The following CGGBP1 variants were observed in gnomAD, a reference collection of about 807,000 sequenced individuals.
CGGBP1 encodes CGG triplet repeat-binding protein 1.
CGGBP1 carries 4 observed loss-of-function variants against 11.4 expected under a neutral mutation model. That is an observed-to-expected ratio of 0.35 (90% confidence interval 0.17 to 0.80). The LOEUF is 0.80. Among genes scored for constraint, CGGBP1 ranks in the 30% least tolerant of loss-of-function variants. The pLI is 0.52. For synonymous variants in CGGBP1, 76 were observed against 74.1 expected, an observed-to-expected ratio of 1.03 and a Z score of -0.13; for missense variants, 135 against 202.1, an observed-to-expected ratio of 0.67 and a Z score of 2.01.
chr3:88,055,318 G>T lies in CGGBP1; in HGVS notation c.*155C>A. On this transcript the variant is annotated 3_prime_UTR_variant, in exon 4 of 4. Coordinates refer to ENST00000482016, the MANE Select transcript of CGGBP1 (RefSeq NM_001008390.2). This position sits in a 1 kb window ranked among gnomAD's most constrained non-coding sequence, Gnocchi z 4.2. ...AAATTAACAATAAGTTTTGCAGTGA[G>T]GTGGTTTTTTTTTTGCCTGCAACTA... The T allele has an allele frequency of 1.6e-6, 1 of 615,218 alleles. No homozygotes were observed. Among genetic ancestry groups the T allele is most frequent in the Admixed American group, 3.6e-5 (1 of 27,654 alleles). The allele number at this position is 615,218 out of a possible 1,614,324, so 38.1% of individuals were successfully genotyped here.
intron 2 of CGGBP1, among the ~76,000 whole-genome samples, chr3:88,138,357 A>G (rs1442516324): frequency 1.3e-5 from 2 of 152,140 alleles, no homozygotes; most frequent in African/African-American, 4.8e-5. Context: ...AGAATATGAG[A>G]TTTGTACCTA....
chr3:88,080,921 G>T (rs1437835336), intron 2 of CGGBP1, among the ~76,000 whole-genome samples: 1 of 152,146 alleles, frequency 6.6e-6, no homozygotes, highest in African/African-American at 2.4e-5. Flanking sequence ...TCACAAAATT[G>T]TAGACCTTTT....
At chr3:88,126,390 G>T in intron 2 of CGGBP1, 12 of 1,075,238 alleles carry the variant, frequency 1.1e-5, no homozygotes, top group Non-Finnish European at 1.4e-5. Flanking sequence ...TGGGAGTGAT[G>T]TATTTTCACA....
intron 2 of CGGBP1, among the ~76,000 whole-genome samples, chr3:88,114,344 G>A (rs1705265093): frequency 6.6e-6 from 1 of 152,150 alleles, no homozygotes; most frequent in East Asian, 1.9e-4. Flanking sequence ...CCACTGAAAT[G>A]TTTGGAGTAG....
intron 2 of CGGBP1, among the ~76,000 whole-genome samples, chr3:88,066,764 A>G (rs1309771936): frequency 1.3e-5 from 2 of 152,208 alleles, no homozygotes; most frequent in Non-Finnish European, 2.9e-5. Context: ...TCCTGCCAAA[A>G]TGTGCTAAAC....
chr3:88,088,354 A>G (rs1296270249), intron 2 of CGGBP1, among the ~76,000 whole-genome samples: 9 of 152,218 alleles, frequency 5.9e-5, no homozygotes, highest in Non-Finnish European at 1.5e-5. Flanking sequence ...AGTGAAAAAT[A>G]ATTTTGAAAG....
upstream of CGGBP1, chr3:88,059,205 C>G (rs1706684527): frequency 6.2e-6 from 9 of 1,454,200 alleles, no homozygotes; most frequent in East Asian, 2.6e-5. Flanking sequence ...AGGCCCCTGT[C>G]CGGCTAGGGA....
intron 2 of CGGBP1, among the ~76,000 whole-genome samples, chr3:88,118,795 A>G (rs1705571730): frequency 6.6e-6 from 1 of 152,204 alleles, no homozygotes; most frequent in Non-Finnish European, 1.5e-5. Context: ...GGTCTACTCA[A>G]CTGCACTTTG....
rs976542380 is a variant in CGGBP1 at position 88,058,965 on chromosome 3, G to A, written c.-481C>T. ...TGCCCGATCGAGCCCCGCGGCGGCC[G>A]CCGTGTCCCCCGCCGCGCCCCGTCC... is the stretch of plus-strand genomic sequence containing the variant. On this transcript the variant is annotated 5_prime_UTR_variant, in exon 1 of 4. Transcript: ENST00000482016. 30 of 212,736 alleles carry A rather than the reference G, an allele frequency of 1.4e-4. No individual in the cohort carries two copies. Among genetic ancestry groups the A allele is most frequent in the Admixed American group, 2.3e-4 (4 of 17,096 alleles). The allele number at this position is 212,736 out of a possible 1,614,324, so 13.2% of individuals were successfully genotyped here. A position where few individuals can be genotyped will look rare whatever the true frequency, so the allele number is the denominator to read the frequency against.
intron 2 of CGGBP1, among the ~76,000 whole-genome samples, chr3:88,105,274 T>G (rs1290228702): frequency 1.3e-5 from 1 of 77,684 alleles, no homozygotes; most frequent in Non-Finnish European, 3.2e-5. Flanking sequence ...ATACATACAT[T>G]TTTCCACCCT....
intron 2 of CGGBP1, among the ~76,000 whole-genome samples, chr3:88,108,861 A>G (rs1704906289): frequency 6.6e-6 from 1 of 152,186 alleles, no homozygotes; most frequent in African/African-American, 2.4e-5. Context: ...GAGGTTGCTA[A>G]AATCTCACAG....
intron 2 of CGGBP1, among the ~76,000 whole-genome samples, chr3:88,100,295 A>G (rs1238140070): frequency 1.3e-5 from 2 of 152,206 alleles, no homozygotes; most frequent in Non-Finnish European, 2.9e-5. Flanking sequence ...ACCAGTTAGA[A>G]TGACAATCAT....
intron 2 of CGGBP1, among the ~76,000 whole-genome samples, chr3:88,089,193 A>G (rs1268984961): frequency 6.5e-3 from 60 of 9,210 alleles, no homozygotes; most frequent in Non-Finnish European, 0.028. Flanking sequence ...TTACGTATTA[A>G]AAAAAAAAAA....
At position 88,090,776 on chromosome 3, in the gene CGGBP1, A is replaced by G. The variant is rs576935268; in HGVS notation, c.-228-32553T>C. 1.3e-4 allele frequency among the ~76,000 whole-genome samples: 20 copies of G among 152,244 alleles called. No individual in the cohort carries two copies. In the East Asian group the frequency reaches 3.9e-3, roughly 29 times the overall value. On this transcript the variant is annotated intron_variant, in intron 2 of 3. Coordinates refer to the CGGBP1 transcript ENST00000462901. ...TTTTACACCAGGGGTGTCCAATCTT[A>G]TGGCTTCCCTGGCCACATTGGAAGA... is the stretch of plus-strand genomic sequence containing the variant.
intron 2 of CGGBP1, among the ~76,000 whole-genome samples, chr3:88,088,221 T>C (rs530743426): frequency 1.3e-5 from 2 of 152,284 alleles, no homozygotes; most frequent in South Asian, 4.1e-4. Flanking sequence ...GTCAAGAAAC[T>C]CCAGACTCAT....
chr3:88,084,758 C>T (rs979664953), intron 2 of CGGBP1, among the ~76,000 whole-genome samples: 2 of 152,140 alleles, frequency 1.3e-5, no homozygotes, highest in Admixed American at 1.3e-4. Flanking sequence ...CTTTATTAAT[C>T]ATGGCACAGC....
chr3:88,104,430 T>C (rs1704614272), intron 2 of CGGBP1, among the ~76,000 whole-genome samples: 1 of 152,158 alleles, frequency 6.6e-6, no homozygotes, highest in African/African-American at 2.4e-5. Context: ...CCATAAACAC[T>C]ACATAAATTA....
At position 88,055,703 on chromosome 3, in the gene CGGBP1, A is replaced by C. The variant is rs751152101; in HGVS notation, c.274T>G (p.Cys92Gly). ...TTCTCTGTTTGCGCAGTACTGTTGC[A>C]CTGAAGAGATGCAGTTAGGGGCCTC... ...KQRPLTASLQ[C>G]NSTAQTEKVS... is the part of the protein sequence containing the mutation. Residue 92 changes from cysteine to glycine, a missense_variant, in exon 4 of 4, where the codon TGC (cysteine) becomes GGC (glycine). Coordinates refer to ENST00000482016, the MANE Select transcript of CGGBP1 (RefSeq NM_001008390.2). This position sits in a 1 kb window ranked among gnomAD's most constrained non-coding sequence, Gnocchi z 4.2. The C allele has an allele frequency of 6.2e-7, 1 of 1,614,196 alleles. No homozygotes were observed. Among genetic ancestry groups the C allele is most frequent in the Non-Finnish European group, 8.5e-7 (1 of 1,180,034 alleles).
intron 2 of CGGBP1, among the ~76,000 whole-genome samples, chr3:88,066,024 G>A (rs1188518563): frequency 1.3e-5 from 2 of 152,200 alleles, no homozygotes; most frequent in Non-Finnish European, 2.9e-5. Context: ...ATGAGCTACC[G>A]CGCCTAGCCC....
Sources: allele counts gnomAD v4.1 joint callset (sites outside exome capture counted in the v4.1 genomes callset), GRCh38; gene constraint gnomAD v4.1.1; non-coding constraint Gnocchi (gnomAD v3.1); transcripts MANE v1.5; gene names NCBI Gene and HGNC (gene_info 2026-07-23, HGNC 2026-07-21).